Variants in PMS1 observed in about 807,000 individuals in gnomAD.
The protein encoded by PMS1 is PMS1 homolog 1, mismatch repair system component.
Under a neutral mutation model 93.1 loss-of-function variants are expected in PMS1, and 79 were observed. That is an observed-to-expected ratio of 0.85 (90% CI 0.71 to 1.02). The LOEUF (loss-of-function observed/expected upper bound fraction) is 1.02, where lower values mean the gene tolerates loss of function less well. Among genes scored for constraint, PMS1 ranks in the 50% least tolerant of loss-of-function variants. The pLI is 0.00. For synonymous variants in PMS1, 335 were observed against 363.4 expected (o/e 0.92, Z 0.89); for missense variants, 1,064 against 1,085.3 (o/e 0.98, Z 0.28).
At chr2:189,834,616 G>C (rs1445136522) in intron 5 of PMS1, among the ~76,000 whole-genome samples, 1 of 152,182 alleles carries the variant, frequency 6.6e-6, no homozygotes, top group African/African-American at 2.4e-5. Flanking sequence ...TTACGAATTG[G>C]AAATAATCTT....
At chr2:189,851,663 T>G (rs2054740337) in intron 6 of PMS1, among the ~76,000 whole-genome samples, 1 of 152,156 alleles carries the variant, frequency 6.6e-6, no homozygotes, top group Non-Finnish European at 1.5e-5. Context: ...GGTTCCTGCT[T>G]AACTAAAAAT....
At chr2:189,816,866 A>G (rs571024669) in intron 4 of PMS1, among the ~76,000 whole-genome samples, 1 of 152,266 alleles carries the variant, frequency 6.6e-6, no homozygotes, top group Non-Finnish European at 1.5e-5. Flanking sequence ...AACCCAGTTC[A>G]CACACAGCTA....
chr2:189,866,297 T>A (rs565516683), intron 10 of PMS1, among the ~76,000 whole-genome samples: 7 of 152,344 alleles, frequency 4.6e-5, no homozygotes, highest in African/African-American at 1.7e-4. Context: ...CTATGTGATG[T>A]TCTGTTCTTC....
At chr2:189,832,033 G>A (rs1486210865) in intron 5 of PMS1, among the ~76,000 whole-genome samples, 1 of 151,944 alleles carries the variant, frequency 6.6e-6, no homozygotes, top group Non-Finnish European at 1.5e-5. Context: ...TGCTTGTTTT[G>A]AAAAAAGGCC....
chr2:189,869,341 C>T (rs935898078), intron 11 of PMS1, among the ~76,000 whole-genome samples: 2 of 152,192 alleles, frequency 1.3e-5, no homozygotes, highest in Non-Finnish European at 2.9e-5. Context: ...AGCAGGCTTG[C>T]AGTCATCTGT....
At chr2:189,856,648 G>T (rs2055368684) in intron 9 of PMS1, among the ~76,000 whole-genome samples, 1 of 152,110 alleles carries the variant, frequency 6.6e-6, no homozygotes, top group Non-Finnish European at 1.5e-5. Context: ...AAGTTGAATT[G>T]CATTGCCCAG....
At chr2:189,797,974 A>G (rs1444192626) in intron 3 of PMS1, among the ~76,000 whole-genome samples, 3 of 152,240 alleles carry the variant, frequency 2.0e-5, no homozygotes, top group Non-Finnish European at 4.4e-5. Context: ...TCGAAAATGC[A>G]TTTAATATGC....
rs555492923 is a variant in PMS1, at chr2:189,826,448, G to GCC, written c.582+8268_582+8269insCC. On this transcript the variant is annotated intron_variant, in intron 5 of 12. Transcript: ENST00000441310. ...GATTATCAATATGGTTTGGTTTGGG[G>GCC]TCTTTTTTTTTTTTTTGCTACTTAC... Among the ~76,000 whole-genome samples the GCC allele has an allele frequency of 2.5e-4, 37 of 145,332 alleles. No homozygotes were observed. In the South Asian group the frequency reaches 6.4e-3, roughly 25 times the overall value.
intron 3 of PMS1, among the ~76,000 whole-genome samples, chr2:189,797,492 C>G (rs2049464981): frequency 6.6e-6 from 1 of 152,168 alleles, no homozygotes; most frequent in African/African-American, 2.4e-5. Context: ...TTGTACTATA[C>G]TATTACCCTG....
At chr2:189,793,318 A>G (rs949909158) in intron 2 of PMS1, among the ~76,000 whole-genome samples, 2 of 152,232 alleles carry the variant, frequency 1.3e-5, no homozygotes, top group Admixed American at 6.5e-5. Context: ...TCTTACTCAT[A>G]CAACTTCATA....
At chr2:189,852,191 A>G (rs2106447252) in intron 6 of PMS1, among the ~76,000 whole-genome samples, 1 of 152,286 alleles carries the variant, frequency 6.6e-6, no homozygotes, top group Non-Finnish European at 1.5e-5. Context: ...CAGAAATGAA[A>G]ACCCAGTAAG....
At chr2:189,822,841 A>T (rs2052054697) in intron 5 of PMS1, among the ~76,000 whole-genome samples, 1 of 152,230 alleles carries the variant, frequency 6.6e-6, no homozygotes, top group South Asian at 2.1e-4. Flanking sequence ...CTGTTTCTAG[A>T]GTAAAAATCT....
Position 189,867,932 on chromosome 2 carries a change from A to G in PMS1, c.2473+3A>G, listed in dbSNP as rs2056803608. 1 of 1,607,382 alleles carries G rather than the reference A, an allele frequency of 6.2e-7. No individual in the cohort carries two copies. The highest frequency in any genetic ancestry group is 8.5e-7 in the Non-Finnish European group (1 of 1,173,966). ...TTTCAAGATAAAATTGATACCAGGTATGATAGTGTGGTTTAATATTTTCTG... is the reference window on the plus strand; with the variant it reads ...TTTCAAGATAAAATTGATACCAGGTGTGATAGTGTGGTTTAATATTTTCTG... On this transcript the variant is annotated splice_donor_region_variant and intron_variant, in intron 11 of 12. Transcript: ENST00000441310.
intron 5 of PMS1, among the ~76,000 whole-genome samples, chr2:189,835,678 C>T (rs1486337258): frequency 6.6e-6 from 1 of 152,076 alleles, no homozygotes; most frequent in African/African-American, 2.4e-5. Flanking sequence ...GTAATCCCAG[C>T]ACTTTGGGAG....
At chr2:189,860,549 A>C (rs2055849983) in intron 9 of PMS1, among the ~76,000 whole-genome samples, 1 of 152,004 alleles carries the variant, frequency 6.6e-6, no homozygotes, top group African/African-American at 2.4e-5. Flanking sequence ...TACTTTCCAA[A>C]TATTTGGGGC....
At chr2:189,796,895 A>G (rs1473707566) in intron 3 of PMS1, among the ~76,000 whole-genome samples, 2 of 152,208 alleles carry the variant, frequency 1.3e-5, no homozygotes, top group African/African-American at 2.4e-5. Context: ...TATATCCAGA[A>G]GTAGACTTGC....
At chr2:189,803,165 C>T (rs1433165587) in intron 3 of PMS1, among the ~76,000 whole-genome samples, 1 of 152,060 alleles carries the variant, frequency 6.6e-6, no homozygotes, top group Non-Finnish European at 1.5e-5. Flanking sequence ...AAACTTAGCC[C>T]CCCCAAAAAC....
chr2:189,869,816 T>TAA (rs398060888), intron 11 of PMS1, among the ~76,000 whole-genome samples: 16 of 134,918 alleles, frequency 1.2e-4, no homozygotes, highest in African/African-American at 2.2e-4. Flanking sequence ...GACTCCATCT[T>TAA]AAAAAAAAAA....
At chr2:189,857,673 A>T (rs777217681) in intron 9 of PMS1, among the ~76,000 whole-genome samples, 2 of 151,778 alleles carry the variant, frequency 1.3e-5, no homozygotes, top group Non-Finnish European at 2.9e-5. Context: ...TCTGCATATA[A>T]GGCCTGAGGT....
Sources: allele counts gnomAD v4.1 joint callset (sites outside exome capture counted in the v4.1 genomes callset), GRCh38; gene constraint gnomAD v4.1.1; transcripts MANE v1.5; gene names NCBI Gene and HGNC (gene_info 2026-07-23, HGNC 2026-07-21).